The following NELL2 variants were observed in gnomAD, a reference collection of about 807,000 sequenced individuals.
The protein encoded by NELL2 is protein kinase C-binding protein NELL2.
Under a neutral mutation model 109.6 loss-of-function variants are expected in NELL2, and 41 were observed. That is an observed-to-expected ratio of 0.37 (90% CI 0.29 to 0.49). The LOEUF (loss-of-function observed/expected upper bound fraction) is 0.49, where lower values mean the gene tolerates loss of function less well. Among genes scored for constraint, NELL2 ranks in the 20% least tolerant of loss-of-function variants. The pLI, the probability that NELL2 is intolerant of heterozygous loss-of-function variation, is 0.98. For synonymous variants in NELL2, 355 were observed against 344.7 expected (o/e 1.03, Z -0.33); for missense variants, 900 against 1,008.3 (o/e 0.89, Z 1.45).
chr12:44,909,352 A>T (rs1945754268), intron 1 of NELL2, among the ~76,000 whole-genome samples: 1 of 151,888 alleles, frequency 6.6e-6, no homozygotes, highest in Non-Finnish European at 1.5e-5. Flanking sequence ...ACACAAGAAA[A>T]TACCTAGGAA....
At chr12:44,792,921 T>C (rs905234354) in intron 3 of NELL2, among the ~76,000 whole-genome samples, 1 of 152,186 alleles carries the variant, frequency 6.6e-6, no homozygotes, top group Non-Finnish European at 1.5e-5. Flanking sequence ...ATGACATATG[T>C]AGAAGGTGCT....
intron 13 of NELL2, among the ~76,000 whole-genome samples, chr12:44,638,405 A>G (rs573434220): frequency 6.6e-6 from 1 of 152,258 alleles, no homozygotes; most frequent in East Asian, 1.9e-4. Context: ...AGTCCTAAAT[A>G]TACTAACATT....
At chr12:44,645,719 TA>T (rs1207047543) in intron 13 of NELL2, among the ~76,000 whole-genome samples, 1 of 152,142 alleles carries the variant, frequency 6.6e-6, no homozygotes, top group Non-Finnish European at 1.5e-5. Context: ...TTTTAATCCT[TA>T]AAATGCCTTT....
At chr12:44,855,581 C>A (rs1173615195) in intron 2 of NELL2, among the ~76,000 whole-genome samples, 1 of 152,154 alleles carries the variant, frequency 6.6e-6, no homozygotes, top group Middle Eastern at 3.2e-3. Context: ...CCTGGATGCA[C>A]TCCAGTTTGT....
intron 9 of NELL2, among the ~76,000 whole-genome samples, chr12:44,738,843 A>G (rs1939788537): frequency 6.6e-6 from 1 of 152,196 alleles, no homozygotes; most frequent in South Asian, 2.1e-4. Context: ...TAAATATGTG[A>G]GGTGACAAGT....
intron 12 of NELL2, among the ~76,000 whole-genome samples, chr12:44,690,691 T>C (rs1007754792): frequency 6.6e-6 from 1 of 152,200 alleles, no homozygotes; most frequent in Non-Finnish European, 1.5e-5. Flanking sequence ...GTCAACTCCA[T>C]GAAGGCAGCG....
chr12:44,709,469 G>A (rs1007402559), intron 11 of NELL2, among the ~76,000 whole-genome samples: 4 of 152,084 alleles, frequency 2.6e-5, no homozygotes, highest in African/African-American at 7.2e-5. Flanking sequence ...AGCCAAGCCC[G>A]GCTTCCAGCC....
chr12:44,514,119 A>C (rs1475577582), intron 19 of NELL2, among the ~76,000 whole-genome samples: 1 of 151,930 alleles, frequency 6.6e-6, no homozygotes, highest in Non-Finnish European at 1.5e-5. Context: ...AAATAATAGA[A>C]TATCACCTTT....
intron 12 of NELL2, 120 bp downstream of exon 12, chr12:44,703,606 A>G: frequency 2.9e-6 from 3 of 1,050,754 alleles, no homozygotes; most frequent in East Asian, 5.0e-5. Context: ...ATATGCTTCA[A>G]ATTAAATTCA....
At chr12:44,726,788 T>G (rs769039612) in intron 9 of NELL2, among the ~76,000 whole-genome samples, 14 of 152,186 alleles carry the variant, frequency 9.2e-5, no homozygotes, top group Non-Finnish European at 2.1e-4. Flanking sequence ...TTAATTTGTA[T>G]AAAACAAATT....
chr12:44,629,374 T>C (rs988675446), intron 13 of NELL2, among the ~76,000 whole-genome samples: 3 of 152,210 alleles, frequency 2.0e-5, no homozygotes, highest in African/African-American at 7.2e-5. Flanking sequence ...TAAAATCAGA[T>C]TGATTTTTAA....
chr12:44,523,633 T>A, intron 16 of NELL2, 149 bp from the exon 17 acceptor site: 1 of 633,374 alleles, frequency 1.6e-6, no homozygotes, highest in Non-Finnish European at 2.7e-6. Flanking sequence ...AAATGTTGAC[T>A]AAAGCAATGT....
At chr12:44,664,676 T>C (rs913112481) in intron 13 of NELL2, among the ~76,000 whole-genome samples, 20 of 152,126 alleles carry the variant, frequency 1.3e-4, no homozygotes, top group Admixed American at 4.6e-4. Flanking sequence ...AATAACATTT[T>C]TGGGTGCTCT....
intron 13 of NELL2, among the ~76,000 whole-genome samples, chr12:44,617,503 C>T (rs1439354234): frequency 7.2e-6 from 1 of 138,730 alleles, no homozygotes; most frequent in Non-Finnish European, 1.5e-5. Flanking sequence ...CTGGCTAAAA[C>T]GGTGAAACCC....
At chr12:44,648,061 T>A (rs1947159847) in intron 13 of NELL2, among the ~76,000 whole-genome samples, 1 of 152,052 alleles carries the variant, frequency 6.6e-6, no homozygotes, top group Admixed American at 6.6e-5. Context: ...GCCACACAGG[T>A]CACTATGCTT....
intron 15 of NELL2, among the ~76,000 whole-genome samples, chr12:44,551,548 CCT>C (rs1267090762): frequency 2.6e-5 from 4 of 152,156 alleles, no homozygotes; most frequent in African/African-American, 9.7e-5. Flanking sequence ...CATTCTCTCT[CCT>C]CTCTCAATGG....
At chr12:44,620,450 G>A (rs920109879) in intron 13 of NELL2, among the ~76,000 whole-genome samples, 1 of 152,046 alleles carries the variant, frequency 6.6e-6, no homozygotes, top group African/African-American at 2.4e-5. Context: ...AATATTCAAG[G>A]TATTCCAGAA....
intron 14 of NELL2, among the ~76,000 whole-genome samples, chr12:44,607,985 G>A (rs1945465088): frequency 6.6e-6 from 1 of 152,096 alleles, no homozygotes. Context: ...CTCTTGAAAT[G>A]TGCTGTCTTC....
At chr12:44,875,204 G>T (rs199504127) in intron 2 of NELL2, 21 bp downstream of exon 2, 1 of 1,602,530 alleles carries the variant, frequency 6.2e-7, no homozygotes, top group African/African-American at 1.3e-5. Context: ...TCACAGTGGG[G>T]ATGCAGCACG....
Sources: gnomAD v4.1 joint callset for allele counts (sites outside exome capture counted in the v4.1 genomes callset) on GRCh38, gnomAD v4.1.1 for gene constraint, MANE v1.5 for transcripts, NCBI Gene and HGNC (gene_info 2026-07-23, HGNC 2026-07-21) for gene names.